NOX3: variants seen among roughly 807,000 people sequenced by gnomAD.
NOX3 encodes the protein NADPH oxidase 3, also known as NADPH oxidase catalytic subunit-like 3.
In NOX3, 74 loss-of-function variants were observed where a neutral mutation model predicts 76.7. The observed-to-expected ratio is 0.96, with a 90% CI of 0.80 to 1.17. The LOEUF (loss-of-function observed/expected upper bound fraction) is 1.17, where lower values mean the gene tolerates loss of function less well. Among genes scored for constraint, NOX3 ranks in the 50% most tolerant of loss-of-function variants. The probability of loss-of-function intolerance (pLI) is 0.00; values close to 1 mark genes in which losing one functional copy is unlikely to be tolerated. For synonymous variants in NOX3, 263 were observed against 261.1 expected (o/e 1.01, Z -0.07); for missense variants, 695 against 703.3 (o/e 0.99, Z 0.13).
chr6:155,430,971 A>G, intron 7 of NOX3, 36 bp from the exon 8 acceptor site: 1 of 1,251,494 alleles, frequency 8.0e-7, no homozygotes, highest in East Asian at 2.3e-5. Context: ...GAAAAAGGAA[A>G]TGAAAATAGA....
chr6:155,445,987 A>ATAT (rs1777060586), intron 4 of NOX3, among the ~76,000 whole-genome samples: 1 of 125,856 alleles, frequency 7.9e-6, no homozygotes, highest in African/African-American at 2.8e-5. Context: ...TATGCTATAT[A>ATAT]TATATATATA....
chr6:155,452,672 T>C (rs544446946), intron 4 of NOX3, among the ~76,000 whole-genome samples: 5 of 152,032 alleles, frequency 3.3e-5, no homozygotes, highest in African/African-American at 1.2e-4. Context: ...TAAAAACAAA[T>C]GAGGAAAACA....
intron 7 of NOX3, among the ~76,000 whole-genome samples, chr6:155,431,391 G>C (rs1209824969): frequency 7.5e-6 from 1 of 134,146 alleles, no homozygotes; most frequent in Non-Finnish European, 1.6e-5. Flanking sequence ...ACAACTACAG[G>C]GTCTGCCTGA....
Position 155,455,070 on chromosome 6 carries a change from C to G in NOX3, c.108G>C (p.Glu36Asp), listed in dbSNP as rs375958573. 1 of 1,613,268 alleles carries G rather than the reference C, an allele frequency of 6.2e-7. No individual in the cohort carries two copies. Among genetic ancestry groups the G allele is most frequent in the Non-Finnish European group, 8.5e-7 (1 of 1,179,344 alleles). ...CTCGTGTGTAATGGAAAGACTCCTC[C>G]TCTTCATACCAGTAGAACGTGTCAA... ...LFIDTFYWYE[E>D]EESFHYTRVI... The change falls in exon 2 of 14, where the codon GAG (glutamate) becomes GAC (aspartate). Residue 36 changes from glutamate (E) to aspartate (D), a missense_variant. Glu to Asp is a conservative substitution (Grantham distance 45). Coordinates refer to ENST00000159060, the MANE Select transcript of NOX3 (RefSeq NM_015718.3).
chr6:155,397,089 T>G (rs1779149682), intron 12 of NOX3, 127 bp from the exon 13 acceptor site: 12 of 860,528 alleles, frequency 1.4e-5, no homozygotes, highest in Non-Finnish European at 2.0e-5. Flanking sequence ...CTCCATGTCG[T>G]TTTTTCTTAG....
intron 4 of NOX3, among the ~76,000 whole-genome samples, chr6:155,450,549 C>T (rs952917062): frequency 6.6e-6 from 1 of 152,160 alleles, no homozygotes; most frequent in African/African-American, 2.4e-5. Context: ...AGGCTCAGCC[C>T]TGGAGGTGAT....
At chr6:155,453,950 G>A (rs755946945) in intron 3 of NOX3, among the ~76,000 whole-genome samples, 1 of 152,032 alleles carries the variant, frequency 6.6e-6, no homozygotes, top group Admixed American at 6.6e-5. Flanking sequence ...CTGCAATAAA[G>A]CAAATATTGC....
chr6:155,434,353 T>A (rs1776874557), intron 7 of NOX3, among the ~76,000 whole-genome samples: 1 of 152,182 alleles, frequency 6.6e-6, no homozygotes, highest in South Asian at 2.1e-4. Context: ...CGACCAGGCA[T>A]CTTTTGAGAC....
chr6:155,455,174 T>C (rs1777198957), intron 1 of NOX3, 45 bp from the exon 2 acceptor site: 1 of 1,246,648 alleles, frequency 8.0e-7, no homozygotes, highest in African/African-American at 1.5e-5. Flanking sequence ...ACCTTCAAGC[T>C]TTTTCTCTAT....
intron 5 of NOX3, among the ~76,000 whole-genome samples, chr6:155,442,240 G>GC (rs1223661424): frequency 6.6e-6 from 1 of 151,878 alleles, no homozygotes; most frequent in Non-Finnish European, 1.5e-5. Flanking sequence ...CTCCAGCTCT[G>GC]GCAACAGAGT....
chr6:155,396,035 C>T (rs948076501), intron 13 of NOX3, among the ~76,000 whole-genome samples: 3 of 152,090 alleles, frequency 2.0e-5, no homozygotes, highest in Non-Finnish European at 4.4e-5. Flanking sequence ...TTGCTCAATA[C>T]TAGTCACGCT....
rs989036608 is a variant in NOX3 at position 155,426,989 on chromosome 6, G to A, written c.1145+1805C>T. On this transcript the variant is annotated intron_variant, in intron 9 of 13. Transcript: ENST00000159060. The stretch of plus-strand genomic sequence containing the variant: ...AAAGCAGTTAGACACTGTGGCGTGT[G>A]TGTGTGTGTGTGTGTGTGTGTGTGT... 7.8e-3 allele frequency among the ~76,000 whole-genome samples: 766 copies of A among 98,332 alleles called. 11 individuals carry two copies. Among genetic ancestry groups the A allele is most frequent in the African/African-American group, 0.034 (738 of 21,700 alleles). The allele number at this position is 98,332 out of a possible 152,430, so 64.5% of individuals were successfully genotyped here. A position where few individuals can be genotyped will look rare whatever the true frequency, so the allele number is the denominator to read the frequency against.
At position 155,421,454 on chromosome 6, in the gene NOX3, C is replaced by T. The variant is rs556734721; in HGVS notation, c.1308+1240G>A. 2.0e-5 allele frequency among the ~76,000 whole-genome samples: 3 copies of T among 152,252 alleles called. No homozygotes were observed. The South Asian group carries it at 6.2e-4, about 32-fold the overall frequency. ...TTAGAGATCTTCTAGCCCTCATTGC[C>T]TGGGATGCTTCACAGAATACGAATT... On this transcript the variant is annotated intron_variant, in intron 10 of 13. Coordinates refer to ENST00000159060, the MANE Select transcript of NOX3 (RefSeq NM_015718.3).
At chr6:155,411,656 C>T (rs1162713059) in intron 10 of NOX3, among the ~76,000 whole-genome samples, 1 of 152,176 alleles carries the variant, frequency 6.6e-6, no homozygotes, top group East Asian at 1.9e-4. Flanking sequence ...TGCTTCTGAA[C>T]AAGATTAATA....
chr6:155,397,538 C>T (rs1356115947), intron 12 of NOX3, among the ~76,000 whole-genome samples: 1 of 152,210 alleles, frequency 6.6e-6, no homozygotes, highest in African/African-American at 2.4e-5. Flanking sequence ...ACAATCAACA[C>T]ACATTTGCTG....
intron 12 of NOX3, among the ~76,000 whole-genome samples, chr6:155,406,247 C>T (rs572558937): frequency 6.6e-6 from 1 of 152,048 alleles, no homozygotes; most frequent in Non-Finnish European, 1.5e-5. Flanking sequence ...CCCCATACTA[C>T]AAGTATATTT....
intron 4 of NOX3, among the ~76,000 whole-genome samples, chr6:155,444,617 A>G (rs559298646): frequency 5.9e-5 from 9 of 152,368 alleles, no homozygotes; most frequent in African/African-American, 1.9e-4. Context: ...GAAATTGTGA[A>G]GAAGAAAAAA....
chr6:155,407,045 A>C, intron 12 of NOX3, 85 bp downstream of exon 12: 8 of 1,403,768 alleles, frequency 5.7e-6, no homozygotes, highest in Non-Finnish European at 7.0e-6. Context: ...GATATACGGT[A>C]CTGCAGATTA....
intron 12 of NOX3, among the ~76,000 whole-genome samples, chr6:155,406,694 C>A (rs998728976): frequency 6.6e-6 from 1 of 152,144 alleles, no homozygotes; most frequent in Non-Finnish European, 1.5e-5. Flanking sequence ...AAAGGCAGAA[C>A]CAGGATTTAC....
Sources: allele counts gnomAD v4.1 joint callset (sites outside exome capture counted in the v4.1 genomes callset), GRCh38; gene constraint gnomAD v4.1.1; transcripts MANE v1.5; gene names NCBI Gene and HGNC (gene_info 2026-07-23, HGNC 2026-07-21).